UBQLN1: variants seen among roughly 807,000 people sequenced by gnomAD.
UBQLN1 encodes ubiquilin-1.
UBQLN1 carries 13 observed loss-of-function variants against 65.4 expected under a neutral mutation model. The ratio of observed to expected loss-of-function variants is 0.20; its 90% CI spans 0.13 to 0.32. The LOEUF (loss-of-function observed/expected upper bound fraction) is 0.32, where lower values mean the gene tolerates loss of function less well. Ranked by LOEUF, UBQLN1 falls within the 10% of genes least tolerant of loss-of-function variation. The pLI is 1.00. For synonymous variants in UBQLN1, 267 were observed against 247.8 expected, an observed-to-expected ratio of 1.08 and a Z score of -0.73; for missense variants, 561 against 724.0, an observed-to-expected ratio of 0.77 and a Z score of 2.58.
chr9:83,697,797 C>T (rs554173105), intron 1 of UBQLN1, among the ~76,000 whole-genome samples: 3 of 142,208 alleles, frequency 2.1e-5, no homozygotes, highest in African/African-American at 8.0e-5. Flanking sequence ...AGTGCGATGG[C>T]ACGATTCAGC....
At position 83,662,703 on chromosome 9, in the gene UBQLN1, G is replaced by A. The variant is rs535542351; in HGVS notation, c.1618-764C>T. Among the ~76,000 whole-genome samples the A allele has an allele frequency of 2.0e-5, 3 of 152,290 alleles. No individual in the cohort carries two copies. In the South Asian group the frequency reaches 6.2e-4, roughly 32 times the overall value. On this transcript the variant is annotated intron_variant, in intron 10 of 10. Transcript: ENST00000376395. ...TTTACTGAGTACCTACCAAGAGCCA[G>A]AAACTATGCTACGCTAGCTTATCAG...
chr9:83,665,220 T>C, intron 8 of UBQLN1, 75 bp from the exon 9 acceptor site: 7 of 1,131,080 alleles, frequency 6.2e-6, no homozygotes, highest in Non-Finnish European at 9.0e-6. Context: ...CTTTTCTCTG[T>C]TATGCTTCTG....
intron 7 of UBQLN1, 31 bp from the exon 8 acceptor site, chr9:83,666,464 T>C (rs761024728): frequency 6.2e-7 from 1 of 1,601,906 alleles, no homozygotes; most frequent in Non-Finnish European, 8.6e-7. Context: ...CAATTTTAAC[T>C]GGAAATATCT....
intron 1 of UBQLN1, among the ~76,000 whole-genome samples, chr9:83,702,342 T>C (rs1218305678): frequency 6.6e-6 from 1 of 152,224 alleles, no homozygotes; most frequent in Non-Finnish European, 1.5e-5. Flanking sequence ...CAATCTCTGT[T>C]AATCAGAATC....
chr9:83,707,212 G>A (rs376511962), intron 1 of UBQLN1, among the ~76,000 whole-genome samples: 4 of 152,128 alleles, frequency 2.6e-5, no homozygotes, highest in South Asian at 2.1e-4. Context: ...GCGACGGAGG[G>A]CGGGGAACTG....
At chr9:83,672,635 A>C (rs1245503853) in intron 6 of UBQLN1, among the ~76,000 whole-genome samples, 1 of 152,234 alleles carries the variant, frequency 6.6e-6, no homozygotes, top group Non-Finnish European at 1.5e-5. Flanking sequence ...TACTAAAGTA[A>C]CATCAAAGAT....
chr9:83,704,547 G>A (rs891773713), intron 1 of UBQLN1, among the ~76,000 whole-genome samples: 2 of 152,154 alleles, frequency 1.3e-5, no homozygotes, highest in African/African-American at 4.8e-5. Context: ...GTACTGGGCC[G>A]GGTGCCCGGT....
At chr9:83,705,082 T>G (rs1407054359) in intron 1 of UBQLN1, among the ~76,000 whole-genome samples, 3 of 152,096 alleles carry the variant, frequency 2.0e-5, no homozygotes, top group African/African-American at 7.2e-5. Context: ...CTTTAAAACT[T>G]AATATGGCTA....
At chr9:83,705,184 T>A (rs937284953) in intron 1 of UBQLN1, among the ~76,000 whole-genome samples, 1 of 151,428 alleles carries the variant, frequency 6.6e-6, no homozygotes, top group Admixed American at 6.6e-5. Context: ...TGTATCTTCA[T>A]TGGCGGGATG....
chr9:83,675,647 T>C (rs929816478), intron 6 of UBQLN1, among the ~76,000 whole-genome samples: 3 of 152,228 alleles, frequency 2.0e-5, no homozygotes, highest in African/African-American at 7.2e-5. Flanking sequence ...TTTGAAGTGA[T>C]TAATCTGAAT....
intron 6 of UBQLN1, among the ~76,000 whole-genome samples, chr9:83,669,705 T>C (rs141785166): frequency 1.1e-4 from 17 of 152,328 alleles, no homozygotes; most frequent in African/African-American, 3.1e-4. Flanking sequence ...ATTAGAATCA[T>C]ATTCGGCACT....
chr9:83,707,529 C>A lies in UBQLN1; in HGVS notation c.151G>T (p.Ala51Ser). Residue 51 changes from alanine (A) to serine (S), a missense_variant, in exon 1 of 11, where the codon GCC becomes TCC. Around this residue, in one of 8 missense-constraint regions of UBQLN1, gnomAD observed 101 missense variants for 104.9 expected, o/e 0.96. Transcript: ENST00000376395. ...VKTPKEKEEF[A>S]VPENSSVQQF... ...TGGACGGAGCTATTCTCGGGCACGG[C>A]GAATTCCTCCTTTTCCTTCGGGGTC... 1 of 1,611,376 alleles carries A rather than the reference C, an allele frequency of 6.2e-7. No individual in the cohort carries two copies. Among genetic ancestry groups the A allele is most frequent in the Non-Finnish European group, 8.5e-7 (1 of 1,178,832 alleles).
chr9:83,699,754 T>C (rs1259917188), intron 1 of UBQLN1, among the ~76,000 whole-genome samples: 1 of 152,242 alleles, frequency 6.6e-6, no homozygotes, highest in Non-Finnish European at 1.5e-5. Flanking sequence ...AAGCAAACTT[T>C]CTGTTACGGG....
chr9:83,677,355 G>A (rs1831851139), intron 6 of UBQLN1, among the ~76,000 whole-genome samples: 1 of 152,170 alleles, frequency 6.6e-6, no homozygotes, highest in Non-Finnish European at 1.5e-5. Flanking sequence ...CTGAGGTCAG[G>A]AGTTCAAGAC....
chr9:83,677,845 G>A lies in UBQLN1; in HGVS notation c.987C>T (p.Ser329=). ...TGCCGCTGGAAGCTGATGAACTCTGGGAAGTCTGTGGAGCCCATGGATTGG... is the reference window on the plus strand; with the variant it reads ...TGCCGCTGGAAGCTGATGAACTCTGAGAAGTCTGTGGAGCCCATGGATTGG... ...PLPNPWAPQT[S]QSSSASSGTA... Residue 329 remains serine (S), a synonymous_variant, in exon 6 of 11, where the codon TCC becomes TCT. Transcript: ENST00000376395. 1 of 1,614,120 alleles carries A rather than the reference G, an allele frequency of 6.2e-7. No individual in the cohort carries two copies. Among genetic ancestry groups the A allele is most frequent in the Non-Finnish European group, 8.5e-7 (1 of 1,180,024 alleles).
chr9:83,661,787 C>T lies in UBQLN1; in HGVS notation c.1770G>A (p.Ter590=). 1.9e-6 allele frequency: 3 copies of T among 1,600,856 alleles called. No individual in the cohort carries two copies. Among genetic ancestry groups the T allele is most frequent in the Non-Finnish European group, 2.6e-6 (3 of 1,173,076 alleles). The change falls in exon 11 of 11, where the codon TAG becomes TAA. Residue 590 remains the stop codon, a stop_retained_variant. Coordinates refer to ENST00000376395, the MANE Select transcript of UBQLN1 (RefSeq NM_013438.5). ...ATTTTTTCAAGATACAGAAATGCTG[C>T]TATGATGGCTGGGAGCCCAGTAACC... is the stretch of plus-strand genomic sequence containing the variant. ...IERLLGSQPS[*] is the part of the protein sequence containing the mutation.
At chr9:83,666,294 T>C in intron 8 of UBQLN1, 56 bp downstream of exon 8, 3 of 1,554,106 alleles carry the variant, frequency 1.9e-6, no homozygotes, top group Non-Finnish European at 2.7e-6. Flanking sequence ...ATGTTTATCA[T>C]CAAATTTTTT....
chr9:83,671,630 C>G (rs1831733078), intron 6 of UBQLN1, among the ~76,000 whole-genome samples: 1 of 152,084 alleles, frequency 6.6e-6, no homozygotes, highest in East Asian at 1.9e-4. Context: ...ATTAAGTAAA[C>G]CATGCTGTAA....
At chr9:83,694,409 T>C (rs1341504833) in intron 1 of UBQLN1, among the ~76,000 whole-genome samples, 5 of 152,196 alleles carry the variant, frequency 3.3e-5, no homozygotes, top group Non-Finnish European at 7.3e-5. Context: ...TCCATATACA[T>C]GGTTCTGTCA....
Sources: gnomAD v4.1 joint callset for allele counts (sites outside exome capture counted in the v4.1 genomes callset) on GRCh38, gnomAD v4.1.1 for gene constraint, gnomAD v4.1.1 regional missense constraint, MANE v1.5 for transcripts, NCBI Gene and HGNC (gene_info 2026-07-23, HGNC 2026-07-21) for gene names.